Variants in CPNE4 observed in about 807,000 individuals in gnomAD.
CPNE4 encodes copine-4.
In CPNE4, 25 loss-of-function variants were observed where a neutral mutation model predicts 67.9. The observed-to-expected ratio is 0.37, with a 90% CI of 0.27 to 0.51. The LOEUF is 0.51. Among genes scored for constraint, CPNE4 ranks in the 20% least tolerant of loss-of-function variants. The probability of loss-of-function intolerance (pLI) is 0.93; values close to 1 mark genes in which losing one functional copy is unlikely to be tolerated. For synonymous variants in CPNE4, 242 were observed against 244.9 expected (o/e 0.99, Z 0.11); for missense variants, 464 against 690.8 (o/e 0.67, Z 3.68).
intron 2 of CPNE4, among the ~76,000 whole-genome samples, chr3:131,797,157 G>A (rs560221300): frequency 2.4e-4 from 36 of 152,102 alleles, no homozygotes; most frequent in Non-Finnish European, 4.6e-4. Flanking sequence ...CTTTCTTGGC[G>A]TTTTTTATTT....
At chr3:131,823,550 C>T (rs963709484) in intron 2 of CPNE4, among the ~76,000 whole-genome samples, 1 of 152,078 alleles carries the variant, frequency 6.6e-6, no homozygotes, top group African/African-American at 2.4e-5. Flanking sequence ...ACTGAGTGTG[C>T]GGTAATTAAA....
intron 11 of CPNE4, among the ~76,000 whole-genome samples, chr3:131,556,675 G>A (rs1936472021): frequency 6.6e-6 from 1 of 152,000 alleles, no homozygotes. Flanking sequence ...TTATTAAAAT[G>A]TGGCTATGAA....
rs549899900 is a variant in CPNE4, at chr3:131,964,132, G to A, written c.-1-58688C>T. ...ACTTCAGCAGACCTGCAGCAGAGGG[G>A]CCTGTTAGAAGAAAAACTAACAAAC... On this transcript the variant is annotated intron_variant, in intron 1 of 15. Transcript: ENST00000429747. Among the ~76,000 whole-genome samples the A allele has an allele frequency of 2.0e-5, 3 of 152,244 alleles. No individual in the cohort carries two copies. In the South Asian group the frequency reaches 6.2e-4, roughly 32 times the overall value.
At chr3:131,986,649 G>A (rs531348379) in intron 1 of CPNE4, among the ~76,000 whole-genome samples, 1 of 152,158 alleles carries the variant, frequency 6.6e-6, no homozygotes, top group Non-Finnish European at 1.5e-5. Flanking sequence ...TGTAATCCCA[G>A]CACTTTGGGA....
chr3:131,876,440 A>C (rs1267281603), intron 2 of CPNE4, among the ~76,000 whole-genome samples: 1 of 151,684 alleles, frequency 6.6e-6, no homozygotes, highest in African/African-American at 2.4e-5. Context: ...CAGGAGATCG[A>C]GACCATCCTG....
intron 1 of CPNE4, among the ~76,000 whole-genome samples, chr3:132,009,172 C>T (rs1220451104): frequency 2.6e-5 from 4 of 152,160 alleles, no homozygotes; most frequent in African/African-American, 9.7e-5. Context: ...TGCTCTGTCT[C>T]TGTCTGTGGC....
chr3:131,878,865 C>A (rs1282030785), intron 2 of CPNE4, among the ~76,000 whole-genome samples: 2 of 152,204 alleles, frequency 1.3e-5, no homozygotes, highest in Admixed American at 1.3e-4. Flanking sequence ...ATATTTAGTG[C>A]CAATCAGGTG....
intron 1 of CPNE4, among the ~76,000 whole-genome samples, chr3:132,007,029 G>C (rs2073627204): frequency 6.6e-6 from 1 of 152,102 alleles, no homozygotes; most frequent in Non-Finnish European, 1.5e-5. Context: ...CTGGTCCAGG[G>C]CTGTTATCCT....
chr3:131,550,028 G>A lies in CPNE4; in HGVS notation c.1221C>T (p.Leu407=). The change falls in exon 14 of 16, where the codon CTC becomes CTT. Residue 407 remains leucine (L), a synonymous_variant. Transcript: ENST00000429747. ...TGGGGGCAATGTTGGTGGGACCGTAGAGTTGGAGCTTAGGAAGACAGCTCT... is the reference window on the plus strand; with the variant it reads ...TGGGGGCAATGTTGGTGGGACCGTAAAGTTGGAGCTTAGGAAGACAGCTCT... ...AYQSCLPKLQ[L]YGPTNIAPII... is the part of the protein sequence containing the mutation. The A allele has an allele frequency of 1.4e-5, 23 of 1,613,192 alleles. No homozygotes were observed. The highest frequency in any genetic ancestry group is 2.0e-5 in the Non-Finnish European group (23 of 1,179,434).
chr3:131,694,325 C>G (rs1226035068), intron 5 of CPNE4, among the ~76,000 whole-genome samples: 1 of 152,088 alleles, frequency 6.6e-6, no homozygotes, highest in African/African-American at 2.4e-5. Flanking sequence ...GAAAAGGGTC[C>G]TCCTTGAGAG....
chr3:131,900,582 G>A (rs532795628), intron 2 of CPNE4, among the ~76,000 whole-genome samples: 1 of 152,114 alleles, frequency 6.6e-6, no homozygotes, highest in Non-Finnish European at 1.5e-5. Context: ...CCAGCTCTCT[G>A]TCTCTAAGAT....
intron 1 of CPNE4, among the ~76,000 whole-genome samples, chr3:131,938,700 AG>A (rs1258165923): frequency 8.5e-5 from 13 of 152,262 alleles, no homozygotes; most frequent in Middle Eastern, 3.4e-3. Context: ...CCGCACTATT[AG>A]GAAACCGGCA....
At chr3:131,553,196 A>G (rs1251272251) in intron 12 of CPNE4, among the ~76,000 whole-genome samples, 1 of 152,104 alleles carries the variant, frequency 6.6e-6, no homozygotes, top group Non-Finnish European at 1.5e-5. Context: ...TTTTTATTGA[A>G]TCATTTGGTA....
At chr3:131,536,214 A>G (rs958160714) in intron 15 of CPNE4, among the ~76,000 whole-genome samples, 4 of 152,140 alleles carry the variant, frequency 2.6e-5, no homozygotes, top group Non-Finnish European at 4.4e-5. Context: ...CCTTTATTCT[A>G]TCAGCCTTAT....
chr3:132,037,936 T>G (rs2074365582), upstream of CPNE4: 69 of 206,956 alleles, frequency 3.3e-4, no homozygotes, highest in East Asian at 1.3e-3. Flanking sequence ...CCTTGGATCC[T>G]TCCCTGAATG....
chr3:131,949,171 C>G (rs2071646399), intron 1 of CPNE4, among the ~76,000 whole-genome samples: 1 of 152,180 alleles, frequency 6.6e-6, no homozygotes, highest in South Asian at 2.1e-4. Flanking sequence ...AAGCCCATCT[C>G]TATGATTTGC....
At position 131,738,740 on chromosome 3, in the gene CPNE4, G is replaced by C. The variant is rs1583112854; in HGVS notation, c.181-15115C>G. Among the ~76,000 whole-genome samples, 4 of 151,956 alleles carry C rather than the reference G, an allele frequency of 2.6e-5. No homozygotes were observed. The East Asian group carries it at 7.7e-4, about 29-fold the overall frequency. On this transcript the variant is annotated intron_variant, in intron 2 of 15. Coordinates refer to ENST00000429747, the MANE Select transcript of CPNE4 (RefSeq NM_130808.3). ...GTTATGGATTATCCATGGTTCACTT[G>C]CAATTCCTTGATTTTGCTTAATCAA...
At chr3:131,747,667 A>T (rs758372679) in intron 2 of CPNE4, among the ~76,000 whole-genome samples, 5 of 152,098 alleles carry the variant, frequency 3.3e-5, no homozygotes, top group Non-Finnish European at 5.9e-5. Flanking sequence ...CCACATGCCC[A>T]GCTGGTTTCT....
intron 2 of CPNE4, among the ~76,000 whole-genome samples, chr3:131,901,422 A>T (rs895656624): frequency 2.0e-5 from 3 of 152,122 alleles, no homozygotes; most frequent in Non-Finnish European, 4.4e-5. Context: ...AAATTAGGAA[A>T]ATGAAAGGGT....
Sources: gnomAD v4.1 joint callset for allele counts (sites outside exome capture counted in the v4.1 genomes callset) on GRCh38, gnomAD v4.1.1 for gene constraint, MANE v1.5 for transcripts, NCBI Gene and HGNC (gene_info 2026-07-23, HGNC 2026-07-21) for gene names.